Variants in PCDHGA1 observed in about 807,000 individuals in gnomAD.
PCDHGA1 encodes the protein protocadherin gamma-A1.
In PCDHGA1, 32 loss-of-function variants were observed where a neutral mutation model predicts 58.0. The ratio of observed to expected loss-of-function variants is 0.55; its 90% CI spans 0.42 to 0.74. The LOEUF (loss-of-function observed/expected upper bound fraction) is 0.74. Among genes scored for constraint, PCDHGA1 ranks in the 30% least tolerant of loss-of-function variants. The probability of loss-of-function intolerance (pLI) is 0.00; values close to 1 mark genes in which losing one functional copy is unlikely to be tolerated. For synonymous variants in PCDHGA1, 498 were observed against 501.1 expected (o/e 0.99, Z 0.08); for missense variants, 1,205 against 1,182.3 (o/e 1.02, Z -0.28).
intron 1 of PCDHGA1, chr5:141,409,439 G>C: frequency 6.2e-7 from 1 of 1,613,998 alleles, no homozygotes; most frequent in Non-Finnish European, 8.5e-7. Flanking sequence ...CCTGGACCGA[G>C]AGCAGACACC....
chr5:141,358,900 G>A (rs1761050942), intron 1 of PCDHGA1, among the ~76,000 whole-genome samples: 2 of 152,260 alleles, frequency 1.3e-5, no homozygotes, highest in Middle Eastern at 3.4e-3. Flanking sequence ...TTTTATATGA[G>A]GGAAAATATT....
intron 1 of PCDHGA1, chr5:141,371,043 G>T: frequency 1.2e-6 from 2 of 1,613,966 alleles, no homozygotes; most frequent in Non-Finnish European, 1.7e-6. Flanking sequence ...AGCTGTGGAT[G>T]GGGGCGAGCC....
intron 1 of PCDHGA1, among the ~76,000 whole-genome samples, chr5:141,492,418 C>T (rs1428695013): frequency 2.0e-5 from 3 of 152,236 alleles, no homozygotes; most frequent in Admixed American, 1.3e-4. Flanking sequence ...CCGCTCCCTC[C>T]GCCGGGCTCA....
At chr5:141,418,848 G>C (rs770294020) in intron 1 of PCDHGA1, 1 of 1,613,836 alleles carries the variant, frequency 6.2e-7, no homozygotes, top group Non-Finnish European at 8.5e-7. Flanking sequence ...CTCTCAACAC[G>C]GTGTAAAGTA....
At chr5:141,502,768 T>C (rs1389860952) in intron 2 of PCDHGA1, among the ~76,000 whole-genome samples, 1 of 152,154 alleles carries the variant, frequency 6.6e-6, no homozygotes, top group East Asian at 1.9e-4. Context: ...GCTGGTATTC[T>C]TCTGAAAATT....
At chr5:141,366,451 C>T (rs372498112) in intron 1 of PCDHGA1, 14 of 1,614,228 alleles carry the variant, frequency 8.7e-6, no homozygotes, top group Non-Finnish European at 1.0e-5. Flanking sequence ...TCCTGGCCTT[C>T]GTCATCGTGC....
chr5:141,378,619 T>G (rs190214323), intron 1 of PCDHGA1: 1 of 152,306 alleles, frequency 6.6e-6, no homozygotes, highest in African/African-American at 2.4e-5. Context: ...TAAAAATAGA[T>G]GACTGACTGG....
intron 1 of PCDHGA1, chr5:141,355,219 C>A (rs768131751): frequency 3.1e-6 from 5 of 1,605,648 alleles, no homozygotes; most frequent in Non-Finnish European, 4.3e-6. Flanking sequence ...GCCTCCTGCT[C>A]GCCCAGACCA....
intron 3 of PCDHGA1, 118 bp downstream of exon 3, chr5:141,505,599 G>A (rs936757644): frequency 1.5e-5 from 23 of 1,555,468 alleles, no homozygotes; most frequent in South Asian, 2.4e-5. Flanking sequence ...CAGATCTTTC[G>A]GCAGGTCTGA....
chr5:141,462,209 C>T (rs1158675305), intron 1 of PCDHGA1, among the ~76,000 whole-genome samples: 6 of 152,172 alleles, frequency 3.9e-5, no homozygotes, highest in Non-Finnish European at 8.8e-5. Flanking sequence ...ATCCGCCTGC[C>T]TCGGCCTCCC....
intron 1 of PCDHGA1, chr5:141,415,347 C>T (rs1369709460): frequency 1.9e-6 from 3 of 1,614,120 alleles, no homozygotes; most frequent in Non-Finnish European, 2.5e-6. Context: ...GGCGCTGGCA[C>T]AAGTCACGCC....
intron 1 of PCDHGA1, chr5:141,344,501 T>C: frequency 6.2e-7 from 1 of 1,613,986 alleles, no homozygotes; most frequent in Non-Finnish European, 8.5e-7. Flanking sequence ...CAATTAAAAC[T>C]GCTTTTGACC....
At chr5:141,422,480 G>A in intron 1 of PCDHGA1, 2 of 1,613,906 alleles carry the variant, frequency 1.2e-6, no homozygotes, top group South Asian at 2.2e-5. Flanking sequence ...TTGGTCCAGA[G>A]CTACAATATA....
rs368136545 is a variant in PCDHGA1, at chr5:141,356,944, G to A, written c.2421+23839G>A. ...TGGTGTGGAGCTGGCACCCCGCTCC[G>A]CAGATTCCGGCTACCTGGTGACCAA... On this transcript the variant is annotated intron_variant, in intron 1 of 3. Transcript: ENST00000517417. The A allele has an allele frequency of 6.2e-6, 10 of 1,614,090 alleles. No individual in the cohort carries two copies. In the South Asian group the frequency reaches 6.6e-5, roughly 11 times the overall value.
intron 1 of PCDHGA1, chr5:141,375,344 A>T: frequency 6.2e-7 from 1 of 1,613,836 alleles, no homozygotes; most frequent in South Asian, 1.1e-5. Context: ...GTACAACATC[A>T]CTGTGACAGC....
At chr5:141,406,273 G>A (rs1366399912) in intron 1 of PCDHGA1, among the ~76,000 whole-genome samples, 2 of 151,898 alleles carry the variant, frequency 1.3e-5, no homozygotes, top group Non-Finnish European at 2.9e-5. Context: ...TCCTGCTTCA[G>A]TTTCCCAAAG....
intron 1 of PCDHGA1, chr5:141,388,621 T>C (rs2091422595): frequency 6.2e-7 from 1 of 1,613,806 alleles, no homozygotes; most frequent in African/African-American, 1.3e-5. Context: ...AGTCAAGACG[T>C]ATACAGGGTG....
intron 1 of PCDHGA1, chr5:141,389,630 T>G: frequency 6.2e-7 from 1 of 1,612,990 alleles, no homozygotes; most frequent in South Asian, 1.1e-5. Context: ...CTGCAGAGCC[T>G]GGCTACTTGG....
At chr5:141,408,412 G>A in intron 1 of PCDHGA1, 2 of 1,614,052 alleles carry the variant, frequency 1.2e-6, no homozygotes, top group South Asian at 1.1e-5. Flanking sequence ...GAGTGAGCGC[G>A]GAGAAGCTGC....
Sources: allele counts gnomAD v4.1 joint callset (sites outside exome capture counted in the v4.1 genomes callset), GRCh38; gene constraint gnomAD v4.1.1; transcripts MANE v1.5; gene names NCBI Gene and HGNC (gene_info 2026-07-23, HGNC 2026-07-21).